The following NR2F6 variants were observed in gnomAD, a reference collection of about 807,000 sequenced individuals.
The protein encoded by NR2F6 is ERBA-related gene-2.
NR2F6 carries 16 observed loss-of-function variants against 26.5 expected under a neutral mutation model. The observed-to-expected ratio is 0.60, with a 90% CI of 0.41 to 0.92. The LOEUF (loss-of-function observed/expected upper bound fraction) is 0.92. Ranked by LOEUF, NR2F6 falls within the 40% of genes least tolerant of loss-of-function variation. The pLI is 0.00. For missense variants in NR2F6, 536 were observed against 631.7 expected (o/e 0.85, Z 1.62); for synonymous variants, 325 against 305.0 (o/e 1.07, Z -0.68).
chr19:17,242,670 C>G (rs2073476133), intron 1 of NR2F6, among the ~76,000 whole-genome samples: 1 of 152,224 alleles, frequency 6.6e-6, no homozygotes, highest in African/African-American at 2.4e-5. Flanking sequence ...AGCCCAGCGG[C>G]TGGGTGGTGG....
In NR2F6 at chr19:17,231,987, G is replaced by A; in HGVS notation, c.*365C>T. The A allele has an allele frequency of 3.5e-6, 1 of 282,094 alleles. No homozygotes were observed. The highest frequency in any genetic ancestry group is 6.7e-6 in the Non-Finnish European group (1 of 148,524). 17.5% of individuals were successfully genotyped at this position (282,094 alleles called of 1,614,324 possible). A position where few individuals can be genotyped will look rare whatever the true frequency, so the allele number is the denominator to read the frequency against. On this transcript the variant is annotated 3_prime_UTR_variant, in exon 4 of 4. Transcript: ENST00000291442. ...TGCCTGGCACACGCTAGCTACCCCT[G>A]CCCACTGGAGCAGCCCCTCTGGCCG...
chr19:17,235,759 G>A lies in NR2F6; in HGVS notation c.680C>T (p.Pro227Leu). ...ARHAPFFPEL[P>L]VADQVALLRL... ...CAGCAGCGCCACCTGGTCGGCCACCGGCAGCTCGGGGAAGAAGGGCGCGTG... is the reference window on the plus strand; with the variant it reads ...CAGCAGCGCCACCTGGTCGGCCACCAGCAGCTCGGGGAAGAAGGGCGCGTG... Residue 227 changes from proline (P) to leucine (L), a missense_variant, in exon 3 of 4, where the codon CCG becomes CTG. By Grantham distance (98) the Pro-to-Leu change is moderately conservative (BLOSUM62 -3). Transcript: ENST00000291442. This position sits in a 1 kb window ranked among gnomAD's most constrained non-coding sequence, Gnocchi z 5.0. 1 of 1,499,922 alleles carries A rather than the reference G, an allele frequency of 6.7e-7. No individual in the cohort carries two copies. The highest frequency in any genetic ancestry group is 2.7e-5 in the East Asian group (1 of 36,504). The allele number at this position is 1,499,922 out of a possible 1,614,324, so 92.9% of individuals were successfully genotyped here.
At chr19:17,238,063 C>G (rs117518483) in intron 2 of NR2F6, among the ~76,000 whole-genome samples, 9,027 of 152,170 alleles carry the variant, frequency 0.059, 366 homozygotes, top group Middle Eastern at 0.19. Flanking sequence ...TCACTTCAAC[C>G]CAGGAGTTTA....
Position 17,232,605 on chromosome 19 carries a change from G to T in NR2F6, c.962C>A (p.Pro321Gln). Residue 321 changes from proline (P) to glutamine (Q), a missense_variant, in exon 4 of 4, where the codon CCG (proline) becomes CAG (glutamine). Pro to Gln is a moderately conservative substitution (Grantham distance 76). Coordinates refer to ENST00000291442, the MANE Select transcript of NR2F6 (RefSeq NM_005234.4). ...CTCCTGCAGGCTCTCAACGTGGGCC[G>T]GGTCTGAGAGGCCACAGGCGTCTAG... ...FTPDACGLSDPAHVESLQEKA... is the reference protein window; with the variant it reads ...FTPDACGLSDQAHVESLQEKA... 6.5e-7 allele frequency: 1 copy of T among 1,550,298 alleles called. No homozygotes were observed. Among genetic ancestry groups the T allele is most frequent in the Non-Finnish European group, 8.7e-7 (1 of 1,150,010 alleles).
Position 17,241,209 on chromosome 19 carries a change from C to T in NR2F6, c.279-444G>A, listed in dbSNP as rs940210868. 2.6e-5 allele frequency among the ~76,000 whole-genome samples: 4 copies of T among 152,176 alleles called. No individual in the cohort carries two copies. In the East Asian group the frequency reaches 7.7e-4, roughly 29 times the overall value. On this transcript the variant is annotated intron_variant, in intron 1 of 3. Coordinates refer to ENST00000291442, the MANE Select transcript of NR2F6 (RefSeq NM_005234.4). ...GATGTGAAGGCAAAGAGGACATGGT[C>T]AGAGAGCTGGACTTTGTGAATTAAC...
chr19:17,233,740 C>T (rs1385320429), intron 3 of NR2F6, among the ~76,000 whole-genome samples: 2 of 152,022 alleles, frequency 1.3e-5, no homozygotes, highest in African/African-American at 4.8e-5. Flanking sequence ...AAGCAATCTC[C>T]CCACCTCGGC....
chr19:17,233,864 A>T (rs2073421392), intron 3 of NR2F6, among the ~76,000 whole-genome samples: 1 of 152,100 alleles, frequency 6.6e-6, no homozygotes, highest in African/African-American at 2.4e-5. Context: ...GACAGAGCCC[A>T]GAAGGGCCTA....
chr19:17,234,827 C>G (rs907534237), intron 3 of NR2F6, among the ~76,000 whole-genome samples: 73 of 152,230 alleles, frequency 4.8e-4, no homozygotes, highest in African/African-American at 1.6e-3. Flanking sequence ...CAACTGCACT[C>G]CAGCCTGGGT....
chr19:17,235,592 G>A lies in NR2F6; in HGVS notation c.847C>T (p.Arg283Cys). 2 of 1,584,646 alleles carry A rather than the reference G, an allele frequency of 1.3e-6. No homozygotes were observed. Among genetic ancestry groups the A allele is most frequent in the East Asian group, 2.3e-5 (1 of 43,822 alleles). The change falls in exon 3 of 4, where the codon CGC (arginine) becomes TGC (cysteine). Residue 283 changes from arginine (R) to cysteine (C), a missense_variant. Coordinates refer to ENST00000291442, the MANE Select transcript of NR2F6 (RefSeq NM_005234.4). This position sits in a 1 kb window ranked among gnomAD's most constrained non-coding sequence, Gnocchi z 5.0. ...TTGTCCACCTGCTCCTGGAAGGCGCGCACCTGGTCCATGAAAGCCACGGCG... is the reference window on the plus strand; with the variant it reads ...TTGTCCACCTGCTCCTGGAAGGCGCACACCTGGTCCATGAAAGCCACGGCG... The part of the protein sequence containing the change: ...ERAVAFMDQV[R>C]AFQEQVDKLG...
chr19:17,233,826 G>A (rs899253231), intron 3 of NR2F6, among the ~76,000 whole-genome samples: 1 of 152,104 alleles, frequency 6.6e-6, no homozygotes, highest in Non-Finnish European at 1.5e-5. Context: ...CAGGGAAGGT[G>A]GGGCTGGGAA....
chr19:17,235,530 G>T lies in NR2F6; in HGVS notation c.909C>A (p.Gly303=), dbSNP rs746091591. ...TGAAGAGCGCGATGGCCTTGAGGCA[G>T]CCATACTCGGCCGAGTCGACCTGCA... is the stretch of plus-strand genomic sequence containing the variant. ...GRLQVDSAEY[G]CLKAIALFTP... is the part of the protein sequence containing the mutation. Residue 303 remains glycine, a synonymous_variant, in exon 3 of 4, where the codon GGC becomes GGA. Coordinates refer to ENST00000291442, the MANE Select transcript of NR2F6 (RefSeq NM_005234.4). The surrounding 1 kb of genome is among the most constrained non-coding windows in gnomAD (Gnocchi z 5.0). The T allele has an allele frequency of 6.3e-7, 1 of 1,594,806 alleles. No homozygotes were observed. Among genetic ancestry groups the T allele is most frequent in the Non-Finnish European group, 8.5e-7 (1 of 1,176,648 alleles).
intron 3 of NR2F6, among the ~76,000 whole-genome samples, chr19:17,234,621 G>A (rs1324439913): frequency 6.6e-6 from 1 of 152,108 alleles, no homozygotes; most frequent in African/African-American, 2.4e-5. Context: ...GGTGGCTGAG[G>A]CAGGACTGGT....
intron 1 of NR2F6, among the ~76,000 whole-genome samples, chr19:17,242,507 C>T (rs1014403494): frequency 6.6e-6 from 1 of 152,152 alleles, no homozygotes; most frequent in African/African-American, 2.4e-5. Flanking sequence ...GACCCAGAGC[C>T]CAGCCGGAGA....
intron 2 of NR2F6, among the ~76,000 whole-genome samples, chr19:17,239,666 A>T (rs1644722140): frequency 6.6e-6 from 1 of 151,324 alleles, no homozygotes. Flanking sequence ...AAAAAAAAAA[A>T]AAATTAGCTG....
chr19:17,232,902 C>T (rs958614711), intron 3 of NR2F6, among the ~76,000 whole-genome samples: 1 of 152,190 alleles, frequency 6.6e-6, no homozygotes, highest in Admixed American at 6.5e-5. Flanking sequence ...AATCCCAGCA[C>T]TTTGGGAGGC....
chr19:17,239,399 G>A (rs2073457122), intron 2 of NR2F6, among the ~76,000 whole-genome samples: 2 of 151,804 alleles, frequency 1.3e-5, no homozygotes, highest in Admixed American at 6.6e-5. Context: ...GCTTACGCCT[G>A]TAATCCCAGC....
chr19:17,235,451 C>T lies in NR2F6; in HGVS notation c.940+48G>A. 1 of 1,537,430 alleles carries T rather than the reference C, an allele frequency of 6.5e-7. No homozygotes were observed. Among genetic ancestry groups the T allele is most frequent in the Non-Finnish European group, 8.7e-7 (1 of 1,147,968 alleles). ...GGGTCCAGGCCGCCCTCCTCCTAAC[C>T]TCCCTTGGGTCCCCCCATCCCGCGG... On this transcript the variant is annotated intron_variant, in intron 3 of 3. Coordinates refer to ENST00000291442, the MANE Select transcript of NR2F6 (RefSeq NM_005234.4). This position sits in a 1 kb window ranked among gnomAD's most constrained non-coding sequence, Gnocchi z 5.0.
Position 17,235,072 on chromosome 19 carries a change from T to TG in NR2F6, c.940+426dup, listed in dbSNP as rs1568316328. ...CCTGGAGGTTGCCCTGGGAGCCCAGTGGGGGCCTGAGGGGGCCAGAACCAG... is the reference window on the plus strand; with the variant it reads ...CCTGGAGGTTGCCCTGGGAGCCCAGTGGGGGGCCTGAGGGGGCCAGAACCAG... On this transcript the variant is annotated intron_variant, in intron 3 of 3. Coordinates refer to ENST00000291442, the MANE Select transcript of NR2F6 (RefSeq NM_005234.4). This position sits in a 1 kb window ranked among gnomAD's most constrained non-coding sequence, Gnocchi z 5.0. 6.6e-6 allele frequency among the ~76,000 whole-genome samples: 1 copy of TG among 152,130 alleles called. No homozygotes were observed. Among genetic ancestry groups the TG allele is most frequent in the Non-Finnish European group, 1.5e-5 (1 of 68,020 alleles).
Position 17,240,781 on chromosome 19 carries a change from A to G in NR2F6, c.279-16T>C, listed in dbSNP as rs1243778042. 1.2e-6 allele frequency: 2 copies of G among 1,612,646 alleles called. No homozygotes were observed. Among genetic ancestry groups the G allele is most frequent in the East Asian group, 2.2e-5 (1 of 44,868 alleles). ...ACGGTTGGACCTGGGGGCACACAGA[A>G]GCCAGGGCTCCCTGAGACCCCCATA... On this transcript the variant is annotated splice_polypyrimidine_tract_variant and intron_variant, in intron 1 of 3. Coordinates refer to ENST00000291442, the MANE Select transcript of NR2F6 (RefSeq NM_005234.4).
Sources: gnomAD v4.1 joint callset for allele counts (sites outside exome capture counted in the v4.1 genomes callset) on GRCh38, gnomAD v4.1.1 for gene constraint, Gnocchi (gnomAD v3.1) non-coding constraint, MANE v1.5 for transcripts, NCBI Gene and HGNC (gene_info 2026-07-23, HGNC 2026-07-21) for gene names.